The following KTN1 variants were observed in gnomAD, a reference collection of about 807,000 sequenced individuals.
KTN1 encodes the protein kinectin.
KTN1 carries 130 observed loss-of-function variants against 222.5 expected under a neutral mutation model. The observed-to-expected ratio is 0.58, with a 90% CI of 0.51 to 0.68. The LOEUF is 0.68. KTN1 is among the 30% of genes least tolerant of loss of function. The pLI is 0.00. For missense variants in KTN1, 1,508 were observed against 1,500.4 expected (o/e 1.01, Z -0.08); for synonymous variants, 512 against 496.3 (o/e 1.03, Z -0.42).
chr14:55,649,994 T>TA (rs34854168), intron 22 of KTN1, among the ~76,000 whole-genome samples, 181 bp downstream of exon 22: 354 of 141,612 alleles, frequency 2.5e-3, no homozygotes, highest in East Asian at 0.019. Flanking sequence ...TCAGTATAAT[T>TA]AAAAAAAAAA....
intron 18 of KTN1, 104 bp downstream of exon 18, chr14:55,641,864 C>T: frequency 2.6e-6 from 2 of 760,494 alleles, no homozygotes; most frequent in Non-Finnish European, 4.6e-6. Context: ...TTTGCTTAAG[C>T]TTAGATATGG....
chr14:55,627,867 C>T (rs768189685), intron 5 of KTN1, 45 bp from the exon 6 acceptor site: 1 of 1,080,366 alleles, frequency 9.3e-7, no homozygotes, highest in Non-Finnish European at 1.4e-6. Flanking sequence ...TTTTTATTAG[C>T]CCATGGTAAC....
intron 5 of KTN1, among the ~76,000 whole-genome samples, chr14:55,625,300 T>C (rs545105584): frequency 6.6e-6 from 1 of 152,350 alleles, no homozygotes; most frequent in South Asian, 2.1e-4. Context: ...TTATTGTAAT[T>C]ATTAGTAAGA....
At chr14:55,644,254 C>G in intron 18 of KTN1, 1 of 496,970 alleles carries the variant, frequency 2.0e-6, no homozygotes, top group South Asian at 3.0e-5. Flanking sequence ...TAACCCCTTT[C>G]TATCCCACAG....
chr14:55,584,388 G>T (rs2032473705), intron 1 of KTN1, among the ~76,000 whole-genome samples: 1 of 152,202 alleles, frequency 6.6e-6, no homozygotes, highest in African/African-American at 2.4e-5. Context: ...ATGTTTGAGG[G>T]CAAGGGGAAG....
chr14:55,663,698 G>T, intron 32 of KTN1: 2 of 326,910 alleles, frequency 6.1e-6, no homozygotes, highest in Non-Finnish European at 5.6e-6. Context: ...TTTCTTCTTT[G>T]TCACATGTGC....
chr14:55,676,828 A>G (rs979221378), intron 41 of KTN1, among the ~76,000 whole-genome samples: 1 of 152,196 alleles, frequency 6.6e-6, no homozygotes, highest in African/African-American at 2.4e-5. Context: ...AGGAATCCAC[A>G]AGTGTTGTCA....
At chr14:55,594,333 A>G (rs1414273339) in intron 1 of KTN1, among the ~76,000 whole-genome samples, 1 of 152,024 alleles carries the variant, frequency 6.6e-6, no homozygotes, top group Non-Finnish European at 1.5e-5. Flanking sequence ...ATTCAGCTCT[A>G]CAGAACACAT....
intron 31 of KTN1, 114 bp downstream of exon 31, chr14:55,659,817 C>A: frequency 4.7e-6 from 3 of 639,890 alleles, no homozygotes; most frequent in Admixed American, 5.4e-5. Flanking sequence ...TTTTACAGTT[C>A]TATTTGGATA....
At chr14:55,644,226 G>T in intron 18 of KTN1, 3 of 431,034 alleles carry the variant, frequency 7.0e-6, no homozygotes, top group Non-Finnish European at 4.2e-6. Flanking sequence ...CTTAATTTCT[G>T]TCATTTCCAC....
intron 43 of KTN1, chr14:55,680,688 T>G (rs372736259): frequency 7.3e-7 from 1 of 1,366,176 alleles, no homozygotes; most frequent in Non-Finnish European, 9.8e-7. Context: ...CACTTTAGAG[T>G]GATCATCCTC....
rs2031033919 is a variant in KTN1 at position 55,580,341 on chromosome 14, C to A, written c.-44C>A. On this transcript the variant is annotated 5_prime_UTR_variant, in exon 1 of 44. Transcript: ENST00000395314. ...CCGCCGCGTCTTCCCGGTCTCCTTTCCCGGCCGCACAGGGTGAGGGAGAGC... is the reference window on the plus strand; with the variant it reads ...CCGCCGCGTCTTCCCGGTCTCCTTTACCGGCCGCACAGGGTGAGGGAGAGC... 6.8e-6 allele frequency: 1 copy of A among 147,864 alleles called. No homozygotes were observed. The allele number at this position is 147,864 out of a possible 1,614,324, so 9.2% of individuals were successfully genotyped here.
In KTN1 at chr14:55,606,763, T is replaced by C. The variant is rs962855910; in HGVS notation, c.-30-5256T>C. 3.3e-5 allele frequency among the ~76,000 whole-genome samples: 5 copies of C among 152,292 alleles called. No individual in the cohort carries two copies. The South Asian group carries it at 1.0e-3, about 32-fold the overall frequency. On this transcript the variant is annotated intron_variant, in intron 1 of 43. Transcript: ENST00000395314. ...TTGGTTACTTAAATTATTGTTTCAA[T>C]GTGCAATTTTAAAAGTTGAACAATT...
intron 18 of KTN1, among the ~76,000 whole-genome samples, chr14:55,645,476 C>T (rs2042195336): frequency 6.6e-6 from 1 of 152,050 alleles, no homozygotes; most frequent in Non-Finnish European, 1.5e-5. Flanking sequence ...GTAGGAGTAA[C>T]TAAAGGTACA....
At chr14:55,607,762 C>T (rs1382366004) in intron 1 of KTN1, among the ~76,000 whole-genome samples, 8 of 152,216 alleles carry the variant, frequency 5.3e-5, no homozygotes. Context: ...TGGTACATGC[C>T]TGTAGTGTAG....
Position 55,641,732 on chromosome 14 carries a change from A to G in KTN1, c.2144A>G (p.Gln715Arg). The G allele has an allele frequency of 6.2e-7, 1 of 1,602,094 alleles. No individual in the cohort carries two copies. Among genetic ancestry groups the G allele is most frequent in the Non-Finnish European group, 8.6e-7 (1 of 1,169,250 alleles). The change falls in exon 18 of 44, where the codon CAG becomes CGG. Residue 715 changes from glutamine to arginine, a missense_variant. Physicochemically the swap from Gln to Arg is conservative, Grantham distance 43. Coordinates refer to ENST00000395314, the MANE Select transcript of KTN1 (RefSeq NM_001079521.2). ...AACAAAGCATTAAAATCAGAAGTTC[A>G]GAAGCTACAGACTCTTGTTTCTGAA... ...DQNKALKSEV[Q>R]KLQTLVSEQP...
At chr14:55,601,251 A>G (rs2035929372) in intron 1 of KTN1, among the ~76,000 whole-genome samples, 1 of 152,338 alleles carries the variant, frequency 6.6e-6, no homozygotes, top group Middle Eastern at 3.4e-3. Context: ...GTGTGTTAAT[A>G]AGATGTGAGT....
At position 55,626,577 on chromosome 14, in the gene KTN1, CTGTTT is replaced by C. The variant is rs373375979; in HGVS notation, c.964-1314_964-1310del. Among the ~76,000 whole-genome samples the C allele has an allele frequency of 9.4e-3, 1,426 of 151,880 alleles. 23 individuals are homozygous for C. Among genetic ancestry groups the C allele is most frequent in the African/African-American group, 0.032 (1,307 of 41,388 alleles). On this transcript the variant is annotated intron_variant, in intron 5 of 43. Transcript: ENST00000395314. Reference sequence around the variant, plus strand: ...CATTTTTTGGTATCGTGTATAGATCCTGTTTTGTTTTGTTTTGTTTTGTTTCATTT... The same window carrying C: ...CATTTTTTGGTATCGTGTATAGATCCTGTTTTGTTTTGTTTTGTTTCATTT...
Position 55,639,893 on chromosome 14 carries a change from A to T in KTN1, c.1824-20A>T. 1.4e-6 allele frequency: 2 copies of T among 1,443,570 alleles called. No homozygotes were observed. The highest frequency in any genetic ancestry group is 1.9e-6 in the Non-Finnish European group (2 of 1,029,634). 89.4% of individuals were successfully genotyped at this position (1,443,570 alleles called of 1,614,324 possible). On this transcript the variant is annotated intron_variant, in intron 13 of 43. Coordinates refer to ENST00000395314, the MANE Select transcript of KTN1 (RefSeq NM_001079521.2). Reference sequence around the variant, plus strand: ...ACTTCTGAATGTTTATTGAATGTACAAATGTCTTTCCTTCTAAAGGATTGC... The same window carrying T: ...ACTTCTGAATGTTTATTGAATGTACTAATGTCTTTCCTTCTAAAGGATTGC...
Sources: allele counts gnomAD v4.1 joint callset (sites outside exome capture counted in the v4.1 genomes callset), GRCh38; gene constraint gnomAD v4.1.1; transcripts MANE v1.5; gene names NCBI Gene and HGNC (gene_info 2026-07-23, HGNC 2026-07-21).